CLIP4: variants seen among roughly 807,000 people sequenced by gnomAD.
The protein encoded by CLIP4 is CAP-Gly domain containing linker protein family member 4.
In CLIP4, 47 loss-of-function variants were observed where a neutral mutation model predicts 73.1. The ratio of observed to expected loss-of-function variants is 0.64; its 90% CI spans 0.51 to 0.82. The LOEUF (loss-of-function observed/expected upper bound fraction) is 0.82. Among genes scored for constraint, CLIP4 ranks in the 40% least tolerant of loss-of-function variants. The pLI, the probability that CLIP4 is intolerant of heterozygous loss-of-function variation, is 0.00. For synonymous variants in CLIP4, 306 were observed against 295.4 expected, an observed-to-expected ratio of 1.04 and a Z score of -0.37; for missense variants, 874 against 852.9, an observed-to-expected ratio of 1.02 and a Z score of -0.31.
chr2:29,171,833 T>TA (rs1668025484), intron 14 of CLIP4, among the ~76,000 whole-genome samples: 1 of 152,046 alleles, frequency 6.6e-6, no homozygotes, highest in African/African-American at 2.4e-5. Flanking sequence ...TTTACTTTTT[T>TA]AAAAAAATCT....
At chr2:29,107,999 T>G (rs1668279722) in intron 1 of CLIP4, among the ~76,000 whole-genome samples, 1 of 152,108 alleles carries the variant, frequency 6.6e-6, no homozygotes, top group South Asian at 2.1e-4. Flanking sequence ...AGTTTCTTTT[T>G]TTTTTTTAAA....
chr2:29,152,168 C>T (rs1305385152), intron 8 of CLIP4, among the ~76,000 whole-genome samples: 1 of 152,104 alleles, frequency 6.6e-6, no homozygotes, highest in African/African-American at 2.4e-5. Context: ...ATAAGAAAGA[C>T]ATGGACATAA....
chr2:29,175,823 G>A (rs542601879), intron 15 of CLIP4, among the ~76,000 whole-genome samples: 34 of 152,100 alleles, frequency 2.2e-4, no homozygotes, highest in Middle Eastern at 3.4e-3. Context: ...GTGCAGTGGC[G>A]TGATCTCGGC....
At chr2:29,104,913 G>A (rs949437119) in intron 1 of CLIP4, among the ~76,000 whole-genome samples, 2 of 152,214 alleles carry the variant, frequency 1.3e-5, no homozygotes, top group Admixed American at 6.5e-5. Flanking sequence ...CGAGCGGGGT[G>A]CAAGTGGGCG....
At chr2:29,137,189 C>T (rs568741716) in intron 6 of CLIP4, among the ~76,000 whole-genome samples, 2 of 152,146 alleles carry the variant, frequency 1.3e-5, no homozygotes, top group East Asian at 1.9e-4. Flanking sequence ...CACTCCCTCC[C>T]GTCTTTAGGG....
intron 1 of CLIP4, among the ~76,000 whole-genome samples, chr2:29,105,619 C>T (rs1023647869): frequency 1.3e-5 from 2 of 152,212 alleles, no homozygotes; most frequent in African/African-American, 2.4e-5. Flanking sequence ...CAGCGTCTTA[C>T]CATGGGTCTG....
At chr2:29,178,797 A>G (rs909839706) in intron 15 of CLIP4, among the ~76,000 whole-genome samples, 3 of 151,880 alleles carry the variant, frequency 2.0e-5, no homozygotes, top group African/African-American at 2.4e-5. Flanking sequence ...GTGTTTTTCA[A>G]TATTTATTTA....
At chr2:29,130,777 G>A in intron 2 of CLIP4, 1 of 1,285,170 alleles carries the variant, frequency 7.8e-7, no homozygotes, top group South Asian at 1.2e-5. Context: ...TAAGAACTAT[G>A]TGTACATAGT....
chr2:29,099,662 T>C (rs1667984411), intron 1 of CLIP4, among the ~76,000 whole-genome samples: 1 of 152,202 alleles, frequency 6.6e-6, no homozygotes, highest in Admixed American at 6.5e-5. Context: ...TTTAAGATTG[T>C]GTTAGCTATT....
upstream of CLIP4, chr2:29,115,369 G>A (rs1199069508): frequency 6.6e-6 from 1 of 151,748 alleles, no homozygotes; most frequent in African/African-American, 2.4e-5. This position sits in a 1 kb window ranked among gnomAD's most constrained non-coding sequence, Gnocchi z 5.1. Flanking sequence ...GGAGTGCGGG[G>A]GCGCGGGAGC....
At chr2:29,171,162 G>A (rs141192615) in intron 14 of CLIP4, among the ~76,000 whole-genome samples, 27 of 152,254 alleles carry the variant, frequency 1.8e-4, no homozygotes, top group Admixed American at 3.3e-4. Flanking sequence ...AATTGGGATT[G>A]CATTGACTAT....
intron 7 of CLIP4, among the ~76,000 whole-genome samples, chr2:29,144,731 G>A (rs1457944536): frequency 6.7e-6 from 1 of 150,088 alleles, no homozygotes; most frequent in African/African-American, 2.5e-5. Flanking sequence ...TTAATAGGGA[G>A]CTTGGTATGG....
intron 5 of CLIP4, among the ~76,000 whole-genome samples, chr2:29,134,798 C>T (rs35127758): frequency 2.0e-5 from 3 of 151,886 alleles, no homozygotes; most frequent in African/African-American, 2.4e-5. Context: ...CTATGTTAAA[C>T]GTTATTAACA....
intron 2 of CLIP4, among the ~76,000 whole-genome samples, chr2:29,127,595 C>G (rs1290618108): frequency 6.6e-6 from 1 of 152,072 alleles, no homozygotes; most frequent in Non-Finnish European, 1.5e-5. Flanking sequence ...TTCATTCAGT[C>G]CCCTGTAATT....
chr2:29,104,961 G>C (rs115199558), intron 1 of CLIP4, among the ~76,000 whole-genome samples: 5,528 of 152,272 alleles, frequency 0.036, 290 homozygotes, highest in African/African-American at 0.11. Flanking sequence ...GGACAGCACC[G>C]TAGGAAGCTG....
Position 29,157,326 on chromosome 2 carries a change from C to G in CLIP4, c.1378C>G (p.Leu460Val), listed in dbSNP as rs1666991708. The change falls in exon 11 of 16, where the codon CTT becomes GTT. Residue 460 changes from leucine to valine, a missense_variant. Leu to Val is a conservative substitution (Grantham distance 32, BLOSUM62 1). Coordinates refer to ENST00000320081, the MANE Select transcript of CLIP4 (RefSeq NM_024692.6). ...GAAGACAATGAGCAAAAGCCCTTCCCTTTCATCCAGAGCCAGTGCTGGTAT... is the reference window on the plus strand; with the variant it reads ...GAAGACAATGAGCAAAAGCCCTTCCGTTTCATCCAGAGCCAGTGCTGGTAT... Reference protein sequence around the residue: ...NKKTMSKSPSLSSRASAGLNS... With the variant: ...NKKTMSKSPSVSSRASAGLNS... The G allele has an allele frequency of 6.2e-7, 1 of 1,614,052 alleles. No individual in the cohort carries two copies. The highest frequency in any genetic ancestry group is 8.5e-7 in the Non-Finnish European group (1 of 1,179,942).
chr2:29,113,109 CT>C (rs1017529799), upstream of CLIP4, among the ~76,000 whole-genome samples: 11 of 152,314 alleles, frequency 7.2e-5, no homozygotes, highest in African/African-American at 2.4e-4. The surrounding 1 kb of genome is among the most constrained non-coding windows in gnomAD (Gnocchi z 4.0). Flanking sequence ...ATTTCTGCCC[CT>C]GGCTACATGG....
At chr2:29,181,107 A>G (rs142044550) in intron 15 of CLIP4, among the ~76,000 whole-genome samples, 149 of 152,316 alleles carry the variant, frequency 9.8e-4, no homozygotes, top group Non-Finnish European at 1.6e-3. Context: ...AGCCTTACCT[A>G]TAACATAAAC....
intron 9 of CLIP4, 119 bp downstream of exon 9, chr2:29,152,947 A>G: frequency 1.8e-6 from 2 of 1,090,374 alleles, no homozygotes; most frequent in Non-Finnish European, 1.3e-6. Flanking sequence ...TGAATTTAAT[A>G]AAACCTGCAT....
Sources: allele counts gnomAD v4.1 joint callset (sites outside exome capture counted in the v4.1 genomes callset), GRCh38; gene constraint gnomAD v4.1.1; non-coding constraint Gnocchi (gnomAD v3.1); transcripts MANE v1.5; gene names NCBI Gene and HGNC (gene_info 2026-07-23, HGNC 2026-07-21).